TRPC6: variants seen among roughly 807,000 people sequenced by gnomAD.
TRPC6 encodes the protein transient receptor potential cation channel subfamily C member 6, also known as short transient receptor potential channel 6.
A neutral mutation model predicts 90.7 loss-of-function variants in TRPC6; 55 were observed. The observed-to-expected ratio is 0.61, with a 90% confidence interval of 0.49 to 0.76. The LOEUF (loss-of-function observed/expected upper bound fraction) is 0.76. Among genes scored for constraint, TRPC6 ranks in the 30% least tolerant of loss-of-function variants. The probability of loss-of-function intolerance (pLI) is 0.00; values close to 1 mark genes in which losing one functional copy is unlikely to be tolerated. For synonymous variants in TRPC6, 393 were observed against 393.0 expected (o/e 1.00, Z 0.00); for missense variants, 989 against 1,122.7 (o/e 0.88, Z 1.70).
intron 1 of TRPC6, among the ~76,000 whole-genome samples, chr11:101,518,571 A>T (rs935081572): frequency 6.6e-6 from 1 of 152,218 alleles, no homozygotes; most frequent in Non-Finnish European, 1.5e-5. Context: ...TGTGAAGAAA[A>T]GGAAACCCTT....
intron 1 of TRPC6, among the ~76,000 whole-genome samples, chr11:101,507,427 G>A (rs10750605): frequency 6.6e-6 from 1 of 151,416 alleles, no homozygotes; most frequent in Non-Finnish European, 1.5e-5. Context: ...ATCATTCCAA[G>A]GATTCTCTTC....
At position 101,504,037 on chromosome 11, in the gene TRPC6, T is replaced by G; in HGVS notation, c.932A>C (p.Glu311Ala). 1 of 1,614,102 alleles carries G rather than the reference T, an allele frequency of 6.2e-7. No homozygotes were observed. Among genetic ancestry groups the G allele is most frequent in the Non-Finnish European group, 8.5e-7 (1 of 1,179,962 alleles). Reference sequence around the variant, plus strand: ...TTAGTGACCTACCTTGAACTCTTTCTCAATATTGGCCAGAACTGCCAGTTC... The same window carrying G: ...TTAGTGACCTACCTTGAACTCTTTCGCAATATTGGCCAGAACTGCCAGTTC... ...SNELAVLANI[E>A]KEFKNDYKKL... The change falls in exon 2 of 13, where the codon GAG (glutamate) becomes GCG (alanine). Residue 311 changes from glutamate (E) to alanine (A), a missense_variant. Glu to Ala is a moderately radical substitution (Grantham distance 107). Around this residue, in one of 4 missense-constraint regions of TRPC6, gnomAD observed 486 missense variants for 591.9 expected, o/e 0.82. Coordinates refer to ENST00000344327, the MANE Select transcript of TRPC6 (RefSeq NM_004621.6).
rs533735159 is a variant in TRPC6, at chr11:101,583,708, G to C, written c.-205C>G. 3.9e-6 allele frequency: 2 copies of C among 512,682 alleles called. No individual in the cohort carries two copies. Among genetic ancestry groups the C allele is most frequent in the South Asian group, 3.9e-5 (1 of 25,344 alleles). 31.8% of individuals were successfully genotyped at this position (512,682 alleles called of 1,614,324 possible). ...GCCCGGGGAAAAGTCACCACTTAAG[G>C]GGGTGCAAAGAGGATCTTGACCTGA... is the stretch of plus-strand genomic sequence containing the variant. On this transcript the variant is annotated 5_prime_UTR_variant, in exon 1 of 13. Transcript: ENST00000344327.
intron 1 of TRPC6, among the ~76,000 whole-genome samples, chr11:101,526,351 C>G (rs2136787231): frequency 6.6e-6 from 1 of 152,264 alleles, no homozygotes; most frequent in Middle Eastern, 3.4e-3. Flanking sequence ...GGCACATTTT[C>G]TGACCTCAGA....
chr11:101,487,421 A>G (rs1013491649), intron 4 of TRPC6, among the ~76,000 whole-genome samples: 1 of 152,156 alleles, frequency 6.6e-6, no homozygotes, highest in African/African-American at 2.4e-5. Flanking sequence ...CAATTTTGTT[A>G]CACCAGTATA....
At chr11:101,560,940 G>A (rs1334215086) in intron 1 of TRPC6, among the ~76,000 whole-genome samples, 1 of 152,148 alleles carries the variant, frequency 6.6e-6, no homozygotes, top group African/African-American at 2.4e-5. Context: ...ACCCACAATA[G>A]GGTCTCAGAT....
Position 101,583,614 on chromosome 11 carries a change from A to AGTTCCTGGTCCGAACTG in TRPC6, c.-112_-111insCAGTTCGGACCAGGAAC. On this transcript the variant is annotated 5_prime_UTR_variant, in exon 1 of 13. Transcript: ENST00000344327. ...GTCAGCGGCCGAACTGGACCTGGGC[A>AGTTCCTGGTCCGAACTG]GACCGGTGCCCAGGGGACGACGGTG... is the stretch of plus-strand genomic sequence containing the variant. The AGTTCCTGGTCCGAACTG allele has an allele frequency of 1.6e-6, 2 of 1,233,506 alleles. No homozygotes were observed. The highest frequency in any genetic ancestry group is 3.7e-5 in the South Asian group (2 of 53,936). The allele number at this position is 1,233,506 out of a possible 1,614,324, so 76.4% of individuals were successfully genotyped here. A position where few individuals can be genotyped will look rare whatever the true frequency, so the allele number is the denominator to read the frequency against.
chr11:101,583,542 G>C lies in TRPC6; in HGVS notation c.-39C>G. The C allele has an allele frequency of 1.4e-6, 2 of 1,416,072 alleles. No individual in the cohort carries two copies. The highest frequency in any genetic ancestry group is 1.5e-5 in the African/African-American group (1 of 66,524). 87.7% of individuals were successfully genotyped at this position (1,416,072 alleles called of 1,614,324 possible). Reference sequence around the variant, plus strand: ...GACTGGCCTGGGCCCCGCTCCCGGGGGAGCCGAGTGGGCAGTTCCAGCGGG... The same window carrying C: ...GACTGGCCTGGGCCCCGCTCCCGGGCGAGCCGAGTGGGCAGTTCCAGCGGG... On this transcript the variant is annotated 5_prime_UTR_variant, in exon 1 of 13. Coordinates refer to ENST00000344327, the MANE Select transcript of TRPC6 (RefSeq NM_004621.6).
At chr11:101,576,477 A>G (rs1284892035) in intron 1 of TRPC6, among the ~76,000 whole-genome samples, 2 of 152,200 alleles carry the variant, frequency 1.3e-5, no homozygotes, top group Non-Finnish European at 2.9e-5. Context: ...TTCTATAAGA[A>G]CTGTGATTCA....
intron 1 of TRPC6, among the ~76,000 whole-genome samples, chr11:101,525,959 G>C (rs564152775): frequency 6.6e-6 from 1 of 152,106 alleles, no homozygotes; most frequent in Non-Finnish European, 1.5e-5. Flanking sequence ...GGATGGGCGG[G>C]GCAGCTCCTT....
chr11:101,578,338 T>C (rs1340217241), intron 1 of TRPC6, among the ~76,000 whole-genome samples: 1 of 152,204 alleles, frequency 6.6e-6, no homozygotes, highest in Non-Finnish European at 1.5e-5. Context: ...AGTTATCCTA[T>C]TGGCAAGTAA....
intron 1 of TRPC6, among the ~76,000 whole-genome samples, chr11:101,570,844 A>C (rs942092542): frequency 2.0e-5 from 3 of 152,126 alleles, no homozygotes; most frequent in Non-Finnish European, 4.4e-5. Flanking sequence ...AAAAACTCTC[A>C]AACTAGGCAT....
At chr11:101,509,401 G>T (rs1031323722) in intron 1 of TRPC6, among the ~76,000 whole-genome samples, 1 of 151,768 alleles carries the variant, frequency 6.6e-6, no homozygotes, top group Admixed American at 6.6e-5. Flanking sequence ...CCTGCCCTTT[G>T]TTTGTCTTTT....
chr11:101,525,988 C>G (rs977538212), intron 1 of TRPC6, among the ~76,000 whole-genome samples: 2 of 152,128 alleles, frequency 1.3e-5, no homozygotes, highest in African/African-American at 4.8e-5. Context: ...GATCCACAGT[C>G]CTTTGTACTC....
At chr11:101,477,679 C>T (rs1223969056) in intron 5 of TRPC6, among the ~76,000 whole-genome samples, 14 of 152,164 alleles carry the variant, frequency 9.2e-5, no homozygotes, top group Admixed American at 6.5e-4. Context: ...TTTAAACTAT[C>T]TAAAACTCAG....
chr11:101,477,595 G>A (rs1859445732), intron 5 of TRPC6, among the ~76,000 whole-genome samples: 2 of 152,102 alleles, frequency 1.3e-5, no homozygotes, highest in Admixed American at 6.6e-5. Context: ...AGGAACACTG[G>A]ATTTGAGATC....
intron 10 of TRPC6, among the ~76,000 whole-genome samples, chr11:101,463,037 G>C (rs536325110): frequency 1.6e-4 from 24 of 152,178 alleles, no homozygotes; most frequent in African/African-American, 5.8e-4. Context: ...GAGTTTTGTT[G>C]AAGGCCTTTT....
intron 1 of TRPC6, among the ~76,000 whole-genome samples, chr11:101,526,841 G>A (rs911791620): frequency 1.5e-4 from 18 of 120,128 alleles, no homozygotes; most frequent in African/African-American, 6.2e-4. Flanking sequence ...TCCAGCCTGG[G>A]TGACAGAAGG....
chr11:101,540,501 C>A (rs759300271), intron 1 of TRPC6, among the ~76,000 whole-genome samples: 2 of 152,190 alleles, frequency 1.3e-5, no homozygotes, highest in African/African-American at 2.4e-5. Context: ...GCATCCTACA[C>A]GCTTGGAGTC....
Sources: gnomAD v4.1 joint callset for allele counts (sites outside exome capture counted in the v4.1 genomes callset) on GRCh38, gnomAD v4.1.1 for gene constraint, gnomAD v4.1.1 regional missense constraint, MANE v1.5 for transcripts, NCBI Gene and HGNC (gene_info 2026-07-23, HGNC 2026-07-21) for gene names.